Variants in CAMK4 observed in about 807,000 individuals in gnomAD.
CAMK4 encodes the protein calcium/calmodulin-dependent protein kinase type IV.
Under a neutral mutation model 44.9 loss-of-function variants are expected in CAMK4, and 22 were observed. That is an observed-to-expected ratio of 0.49 (90% CI 0.35 to 0.70). The LOEUF (loss-of-function observed/expected upper bound fraction) is 0.70. Among genes scored for constraint, CAMK4 ranks in the 30% least tolerant of loss-of-function variants. CAMK4 has a pLI of 0.01. For missense variants in CAMK4, 498 were observed against 586.8 expected (o/e 0.85, Z 1.56); for synonymous variants, 218 against 215.4 (o/e 1.01, Z -0.11).
chr5:111,275,226 C>T lies in CAMK4; in HGVS notation c.161+50582C>T, dbSNP rs188823733. 3.5e-3 allele frequency among the ~76,000 whole-genome samples: 532 copies of T among 152,110 alleles called. 5 individuals are homozygous for T. The highest frequency in any genetic ancestry group is 0.012 in the African/African-American group (493 of 41,524). On this transcript the variant is annotated intron_variant, in intron 1 of 10. Transcript: ENST00000282356. ...TATGCTGTGCAGTTCTTGCAGCTTC[C>T]ATTTATTGAGTCAAGAATGTTTCTT...
rs1214981759 is a variant in CAMK4, at chr5:111,359,273, ATGG to A, written c.240+15173_240+15175del. On this transcript the variant is annotated intron_variant, in intron 2 of 10. Coordinates refer to ENST00000282356, the MANE Select transcript of CAMK4 (RefSeq NM_001744.6). ...TAGTAACCATTGTGACTGGTGTGAG[ATGG>A]TATTTGATTGTGGTTTTGATTTTCG... 1.4e-4 allele frequency among the ~76,000 whole-genome samples: 5 copies of A among 35,616 alleles called. 1 individual carries two copies. Among genetic ancestry groups the A allele is most frequent in the Non-Finnish European group, 1.4e-4 (2 of 14,124 alleles). 23.4% of individuals were successfully genotyped at this position (35,616 alleles called of 152,430 possible). A position where few individuals can be genotyped will look rare whatever the true frequency, so the allele number is the denominator to read the frequency against.
At chr5:111,225,662 T>C (rs1403891356) in intron 1 of CAMK4, among the ~76,000 whole-genome samples, 1 of 152,184 alleles carries the variant, frequency 6.6e-6, no homozygotes, top group Non-Finnish European at 1.5e-5. Flanking sequence ...CTAACAGCCT[T>C]TTTATTTTTT....
At chr5:111,308,378 CAT>C (rs1425593301) in intron 1 of CAMK4, among the ~76,000 whole-genome samples, 2 of 152,056 alleles carry the variant, frequency 1.3e-5, no homozygotes, top group Admixed American at 6.5e-5. Flanking sequence ...ATATATAAAA[CAT>C]ATAAAATAGG....
chr5:111,367,194 C>G (rs1416559028), intron 2 of CAMK4, among the ~76,000 whole-genome samples: 2 of 150,168 alleles, frequency 1.3e-5, no homozygotes, highest in East Asian at 3.9e-4. Context: ...ACTCATAGTT[C>G]TGGAAGGGGG....
intron 1 of CAMK4, among the ~76,000 whole-genome samples, chr5:111,241,247 A>T (rs922409689): frequency 2.6e-5 from 4 of 151,700 alleles, no homozygotes; most frequent in African/African-American, 7.3e-5. Context: ...TTTAATTACC[A>T]TGTCTTCCTT....
At chr5:111,300,174 C>G (rs1424911996) in intron 1 of CAMK4, among the ~76,000 whole-genome samples, 1 of 152,118 alleles carries the variant, frequency 6.6e-6, no homozygotes, top group Non-Finnish European at 1.5e-5. Context: ...AATGATAAAA[C>G]AATTGTATAC....
At chr5:111,382,943 T>C (rs1488087781) in intron 4 of CAMK4, among the ~76,000 whole-genome samples, 3 of 152,230 alleles carry the variant, frequency 2.0e-5, no homozygotes, top group Non-Finnish European at 4.4e-5. Flanking sequence ...TTTAAATACA[T>C]CTCTTTATGT....
intron 5 of CAMK4, among the ~76,000 whole-genome samples, chr5:111,440,349 T>C (rs554562405): frequency 6.6e-6 from 1 of 152,306 alleles, no homozygotes; most frequent in East Asian, 1.9e-4. Context: ...AGTGCAACTG[T>C]TTATCAATGA....
At chr5:111,301,391 T>C (rs918079222) in intron 1 of CAMK4, among the ~76,000 whole-genome samples, 1 of 152,244 alleles carries the variant, frequency 6.6e-6, no homozygotes, top group African/African-American at 2.4e-5. Context: ...ATTCTGGTGA[T>C]AACTGCTGAC....
chr5:111,329,999 T>G lies in CAMK4; in HGVS notation c.162-14025T>G, dbSNP rs192366009. 4.1e-3 allele frequency among the ~76,000 whole-genome samples: 619 copies of G among 151,536 alleles called. 7 individuals are homozygous for G. The highest frequency in any genetic ancestry group is 0.014 in the African/African-American group (596 of 41,422). ...TATTTGAGGTCCAAGCTAGTGCAAT[T>G]GGAAGAGAAAAAGGTAAAGTTTGAA... On this transcript the variant is annotated intron_variant, in intron 1 of 10. Coordinates refer to ENST00000282356, the MANE Select transcript of CAMK4 (RefSeq NM_001744.6).
chr5:111,237,143 C>T (rs1748766286), intron 1 of CAMK4, among the ~76,000 whole-genome samples: 1 of 152,200 alleles, frequency 6.6e-6, no homozygotes, highest in African/African-American at 2.4e-5. Flanking sequence ...TTATAGTGAA[C>T]ACTCATTACA....
intron 5 of CAMK4, among the ~76,000 whole-genome samples, chr5:111,443,373 A>G (rs570489828): frequency 2.9e-4 from 41 of 143,702 alleles, no homozygotes; most frequent in Middle Eastern, 3.7e-3. Context: ...ATATATATGA[A>G]TATATCATGA....
intron 2 of CAMK4, among the ~76,000 whole-genome samples, 184 bp from the exon 3 acceptor site, chr5:111,374,666 C>T (rs1001434794): frequency 5.3e-5 from 8 of 151,966 alleles, no homozygotes; most frequent in South Asian, 4.2e-4. Context: ...CTGTATGTTA[C>T]GTCAGAAGCA....
chr5:111,308,156 C>CA (rs1748012474), intron 1 of CAMK4, among the ~76,000 whole-genome samples: 1 of 132,014 alleles, frequency 7.6e-6, no homozygotes, highest in African/African-American at 3.1e-5. Flanking sequence ...TGCTAGATGA[C>CA]ACGTTAGTGG....
chr5:111,399,246 G>A (rs1752135329), intron 5 of CAMK4, among the ~76,000 whole-genome samples: 1 of 152,110 alleles, frequency 6.6e-6, no homozygotes, highest in Non-Finnish European at 1.5e-5. Flanking sequence ...CAGAGTAGTT[G>A]TCATTTCCTG....
rs144207793 is a variant in CAMK4, at chr5:111,301,613, G to A, written c.162-42411G>A. The stretch of plus-strand genomic sequence containing the variant: ...CTTAATAAACATAACTCTCATAGGG[G>A]TACCAGCGTCTGGATAACATAAAAT... On this transcript the variant is annotated intron_variant, in intron 1 of 10. Coordinates refer to ENST00000282356, the MANE Select transcript of CAMK4 (RefSeq NM_001744.6). Among the ~76,000 whole-genome samples the A allele has an allele frequency of 2.8e-3, 422 of 152,250 alleles. 5 individuals are homozygous for A. Among genetic ancestry groups the A allele is most frequent in the East Asian group, 0.018 (91 of 5,186 alleles).
chr5:111,239,280 T>C (rs1173699408), intron 1 of CAMK4, among the ~76,000 whole-genome samples: 7 of 152,192 alleles, frequency 4.6e-5, no homozygotes, highest in Non-Finnish European at 1.0e-4. Context: ...ATTCGAGGTC[T>C]GTTTTACTTG....
At chr5:111,446,044 A>G (rs963872803) in intron 5 of CAMK4, among the ~76,000 whole-genome samples, 14 of 152,368 alleles carry the variant, frequency 9.2e-5, no homozygotes, top group Middle Eastern at 3.4e-3. Context: ...AAAATAATTT[A>G]AAGTACAATA....
chr5:111,403,679 C>T (rs1475953462), intron 5 of CAMK4, among the ~76,000 whole-genome samples: 2 of 152,086 alleles, frequency 1.3e-5, no homozygotes, highest in Non-Finnish European at 2.9e-5. Flanking sequence ...GACATTTTAT[C>T]AGAAATTTTG....
Sources: allele counts gnomAD v4.1 joint callset (sites outside exome capture counted in the v4.1 genomes callset), GRCh38; gene constraint gnomAD v4.1.1; transcripts MANE v1.5; gene names NCBI Gene and HGNC (gene_info 2026-07-23, HGNC 2026-07-21).